The following NF1 variants were observed in gnomAD, a reference collection of about 807,000 sequenced individuals.
The protein encoded by NF1 is neurofibromin 1, also known as neurofibromin.
A neutral mutation model predicts 325.7 loss-of-function variants in NF1; 122 were observed. The ratio of observed to expected loss-of-function variants is 0.37; its 90% confidence interval spans 0.32 to 0.44. NF1 has a LOEUF of 0.44. Ranked by LOEUF, NF1 falls within the 20% of genes least tolerant of loss-of-function variation. The pLI, the probability that NF1 is intolerant of heterozygous loss-of-function variation, is 1.00. For synonymous variants in NF1, 1,091 were observed against 1,186.0 expected (o/e 0.92, Z 1.65); for missense variants, 2,140 against 3,415.4 (o/e 0.63, Z 9.31).
intron 3 of NF1, among the ~76,000 whole-genome samples, chr17:31,161,292 A>T (rs2065756960): frequency 6.6e-6 from 1 of 152,232 alleles, no homozygotes; most frequent in South Asian, 2.1e-4. Flanking sequence ...TATAAACAAG[A>T]AATAGGCATT....
At chr17:31,210,792 G>C (rs2066716084) in intron 12 of NF1, among the ~76,000 whole-genome samples, 1 of 152,060 alleles carries the variant, frequency 6.6e-6, no homozygotes, top group Admixed American at 6.6e-5. Flanking sequence ...TACAATCTAA[G>C]ATAGTATTAT....
intron 29 of NF1, among the ~76,000 whole-genome samples, chr17:31,238,280 G>A (rs1321491196): frequency 2.0e-5 from 3 of 152,058 alleles, no homozygotes; most frequent in Non-Finnish European, 2.9e-5. Flanking sequence ...TTGGGCAGGG[G>A]AAGGGGAAAA....
At chr17:31,128,939 A>AT (rs1355300191) in intron 1 of NF1, among the ~76,000 whole-genome samples, 6 of 151,388 alleles carry the variant, frequency 4.0e-5, no homozygotes, top group Admixed American at 2.0e-4. Flanking sequence ...AAAAAAAAAA[A>AT]GGAATGTTGA....
At chr17:31,323,220 A>G (rs1299384929) in intron 36 of NF1, among the ~76,000 whole-genome samples, 20 of 152,032 alleles carry the variant, frequency 1.3e-4, no homozygotes, top group Admixed American at 1.3e-3. Context: ...CAGCATGGCA[A>G]AATCCTGTCT....
At chr17:31,118,949 T>TTTC (rs1054203333) in intron 1 of NF1, among the ~76,000 whole-genome samples, 1 of 151,640 alleles carries the variant, frequency 6.6e-6, no homozygotes, top group African/African-American at 2.4e-5. Context: ...TTTTTTTTTT[T>TTTC]TCTTGAGATG....
chr17:31,133,805 T>G (rs1597599755), intron 1 of NF1: 2 of 152,166 alleles, frequency 1.3e-5, no homozygotes, highest in African/African-American at 4.8e-5. Context: ...TACTGGCACC[T>G]GCCACCATGT....
At position 31,343,020 on chromosome 17, in the gene NF1, A is replaced by G. The variant is rs1388098913; in HGVS notation, c.7074A>G (p.Glu2358=). 1 of 1,614,158 alleles carries G rather than the reference A, an allele frequency of 6.2e-7. No homozygotes were observed. Among genetic ancestry groups the G allele is most frequent in the Non-Finnish European group, 8.5e-7 (1 of 1,180,012 alleles). Reference sequence around the variant, plus strand: ...ATTATCTTTAATAGAGTCCAGAGGAAGTATTTATGGCAATCCGGAATCCTC... The same window carrying G: ...ATTATCTTTAATAGAGTCCAGAGGAGGTATTTATGGCAATCCGGAATCCTC... ...LRIFNDKSPE[E]VFMAIRNPLE... is the part of the protein sequence containing the mutation. Residue 2358 remains glutamate (E), a synonymous_variant, in exon 48 of 58, where the codon GAA becomes GAG. Transcript: ENST00000358273.
chr17:31,128,866 C>T (rs780474374), intron 1 of NF1, among the ~76,000 whole-genome samples: 5 of 151,348 alleles, frequency 3.3e-5, no homozygotes, highest in African/African-American at 4.9e-5. Context: ...GCGGAGCTTG[C>T]AGTGAGCCTA....
intron 20 of NF1, 137 bp from the exon 21 acceptor site, chr17:31,228,887 AT>A (rs1449940460): frequency 1.5e-5 from 10 of 665,662 alleles, no homozygotes; most frequent in Admixed American, 3.0e-5. Context: ...GTATATGGTA[AT>A]TTTATGGGTT....
At chr17:31,226,334 C>CACACACACACACACACACACACACAT in intron 17 of NF1, 101 bp from the exon 18 acceptor site, 1 of 1,335,046 alleles carries the variant, frequency 7.5e-7, no homozygotes, top group South Asian at 1.3e-5. Context: ...CACACACACA[C>CACACACACACACACACACACACACAT]ACACACACAC....
chr17:31,236,994 G>T (rs2067215085), intron 29 of NF1, among the ~76,000 whole-genome samples: 1 of 152,142 alleles, frequency 6.6e-6, no homozygotes, highest in African/African-American at 2.4e-5. Flanking sequence ...TATTTGTTAA[G>T]TGAATGAATT....
At chr17:31,107,077 A>G (rs555840538) in intron 1 of NF1, among the ~76,000 whole-genome samples, 49 of 152,088 alleles carry the variant, frequency 3.2e-4, no homozygotes, top group African/African-American at 1.2e-3. Context: ...CTTTTTCCCT[A>G]TAACAACCCT....
At chr17:31,217,439 G>C (rs1004073462) in intron 13 of NF1, among the ~76,000 whole-genome samples, 2 of 151,662 alleles carry the variant, frequency 1.3e-5, no homozygotes, top group Admixed American at 1.3e-4. Context: ...AGCCTCCCAG[G>C]TAGCTGAGAT....
rs772090874 is a variant in NF1, at chr17:31,360,650, A to C, written c.8324A>C (p.Asn2775Thr). 13 of 1,614,088 alleles carry C rather than the reference A, an allele frequency of 8.1e-6. No homozygotes were observed. The South Asian group carries it at 1.4e-4, about 18-fold the overall frequency. ...CAGAGCCAGCTTAGTATCACTGCCA[A>C]CCTTAACCTTTCTAATTCCATGACC... is the stretch of plus-strand genomic sequence containing the variant. ...ALQSQLSITANLNLSNSMTSL... is the reference protein window; with the variant it reads ...ALQSQLSITATLNLSNSMTSL... The change falls in exon 57 of 58, where the codon AAC becomes ACC. Residue 2775 changes from asparagine to threonine, a missense_variant. Physicochemically the swap from Asn to Thr is moderately conservative, Grantham distance 65 (BLOSUM62 0). Coordinates refer to ENST00000358273, the MANE Select transcript of NF1 (RefSeq NM_001042492.3).
chr17:31,169,364 C>T (rs569760803), intron 4 of NF1, among the ~76,000 whole-genome samples: 19 of 152,254 alleles, frequency 1.2e-4, no homozygotes, highest in Non-Finnish European at 1.8e-4. Context: ...AAGGATGCTA[C>T]GATGCTACGT....
chr17:31,191,933 CTT>C (rs1255725126), intron 8 of NF1, among the ~76,000 whole-genome samples: 1 of 152,090 alleles, frequency 6.6e-6, no homozygotes, highest in Non-Finnish European at 1.5e-5. Context: ...TGTTGACTTC[CTT>C]TACCTATTAT....
At position 31,227,514 on chromosome 17, in the gene NF1, T is replaced by A. The variant is rs181838967; in HGVS notation, c.2326-9T>A. ...AGTTGCTTTCAAGTGATAATTGCCT[T>A]CATTTTAGGCTTGGGAAGATACACA... On this transcript the variant is annotated splice_polypyrimidine_tract_variant and intron_variant, in intron 19 of 57. Coordinates refer to ENST00000358273, the MANE Select transcript of NF1 (RefSeq NM_001042492.3). 5.0e-6 allele frequency: 8 copies of A among 1,613,636 alleles called. No homozygotes were observed. The Admixed American group carries it at 1.3e-4, about 27-fold the overall frequency.
At chr17:31,223,078 G>A (rs1363498098) in intron 15 of NF1, among the ~76,000 whole-genome samples, 1 of 152,194 alleles carries the variant, frequency 6.6e-6, no homozygotes, top group Non-Finnish European at 1.5e-5. Flanking sequence ...TTTGGCCTGT[G>A]GATGGTAGCT....
chr17:31,268,456 A>T (rs1295959180), intron 36 of NF1, among the ~76,000 whole-genome samples: 1 of 151,878 alleles, frequency 6.6e-6, no homozygotes, highest in African/African-American at 2.4e-5. Context: ...ATGAAACCCC[A>T]TCTCTACTAA....
Sources: gnomAD v4.1 joint callset for allele counts (sites outside exome capture counted in the v4.1 genomes callset) on GRCh38, gnomAD v4.1.1 for gene constraint, MANE v1.5 for transcripts, NCBI Gene and HGNC (gene_info 2026-07-23, HGNC 2026-07-21) for gene names.